The following INTS13 variants were observed in gnomAD, a reference collection of about 807,000 sequenced individuals.
The protein encoded by INTS13 is asunder, spermatogenesis regulator homolog (Drosphila).
In INTS13, 35 loss-of-function variants were observed where a neutral mutation model predicts 90.2. The ratio of observed to expected loss-of-function variants is 0.39; its 90% CI spans 0.30 to 0.51. INTS13 has a LOEUF of 0.51. INTS13 is among the 20% of genes least tolerant of loss of function. The pLI is 0.80. For synonymous variants in INTS13, 309 were observed against 277.1 expected, an observed-to-expected ratio of 1.11 and a Z score of -1.14; for missense variants, 601 against 851.2, an observed-to-expected ratio of 0.71 and a Z score of 3.66.
rs943205709 is a variant in INTS13 at position 26,933,958 on chromosome 12, C to T, written c.300+598G>A. On this transcript the variant is annotated intron_variant, in intron 3 of 16. Transcript: ENST00000261191. ...TGGCTTAACAGTGAATAATACTTTACGTAGATGTTATAATGCCAACATGAA... is the reference window on the plus strand; with the variant it reads ...TGGCTTAACAGTGAATAATACTTTATGTAGATGTTATAATGCCAACATGAA... 3.9e-5 allele frequency among the ~76,000 whole-genome samples: 6 copies of T among 152,218 alleles called. No individual in the cohort carries two copies. The East Asian group carries it at 9.6e-4, about 24-fold the overall frequency.
At position 26,906,360 on chromosome 12, in the gene INTS13, G is replaced by A. The variant is rs760064652; in HGVS notation, c.2023C>T (p.Arg675Cys). ...GCTCTGTTATTAACAGAGTTCAAAC[G>A]TCCAGCAAATTCCTGATGTTTTCTG... ...NSRKHQEFAG[R>C]LNSVNNRAEL... is the part of the protein sequence containing the mutation. Residue 675 changes from arginine to cysteine, a missense_variant, in exon 16 of 17, where the codon CGT becomes TGT. Arg to Cys is a radical substitution (Grantham distance 180). This residue lies in a region of INTS13 where 228 missense variants were observed against 272.5 expected (regional missense o/e 0.84). Coordinates refer to ENST00000261191, the MANE Select transcript of INTS13 (RefSeq NM_018164.3). 10 of 1,612,856 alleles carry A rather than the reference G, an allele frequency of 6.2e-6. No individual in the cohort carries two copies. The highest frequency in any genetic ancestry group is 1.1e-5 in the South Asian group (1 of 90,932).
intron 4 of INTS13, 52 bp downstream of exon 4, chr12:26,928,651 A>C: frequency 6.3e-7 from 1 of 1,579,610 alleles, no homozygotes; most frequent in Non-Finnish European, 8.7e-7. Context: ...AAAAACTACA[A>C]CAGGATTTTA....
chr12:26,906,256 A>G, intron 16 of INTS13, 46 bp downstream of exon 16: 2 of 1,542,996 alleles, frequency 1.3e-6, no homozygotes, highest in Non-Finnish European at 1.8e-6. Flanking sequence ...TTAAGGTACT[A>G]TACAGGCAAT....
At chr12:26,921,556 G>A (rs570651898) in intron 8 of INTS13, among the ~76,000 whole-genome samples, 1 of 152,312 alleles carries the variant, frequency 6.6e-6, no homozygotes, top group South Asian at 2.1e-4. Context: ...TAGTCAGTCT[G>A]GTTTGTACTG....
At chr12:26,910,305 T>A (rs953059810) in intron 15 of INTS13, among the ~76,000 whole-genome samples, 2 of 152,236 alleles carry the variant, frequency 1.3e-5, no homozygotes, top group African/African-American at 4.8e-5. Context: ...AGTTTACATA[T>A]TTAAAATTTC....
At chr12:26,924,617 A>T (rs1937765683) in intron 6 of INTS13, 134 bp from the exon 7 acceptor site, 1 of 938,310 alleles carries the variant, frequency 1.1e-6, no homozygotes, top group Non-Finnish European at 1.5e-6. Flanking sequence ...AGGATCCATA[A>T]ATTAACCATG....
chr12:26,931,892 G>A (rs1435190425), intron 3 of INTS13, among the ~76,000 whole-genome samples: 1 of 152,084 alleles, frequency 6.6e-6, no homozygotes, highest in Non-Finnish European at 1.5e-5. Flanking sequence ...TTCAAGACCA[G>A]CCTGGCCAAC....
At chr12:26,922,490 G>T in intron 8 of INTS13, 126 bp downstream of exon 8, 1 of 575,214 alleles carries the variant, frequency 1.7e-6, no homozygotes, top group Non-Finnish European at 2.9e-6. Context: ...TATAGGGTTC[G>T]AGACCATCTG....
intron 14 of INTS13, among the ~76,000 whole-genome samples, chr12:26,911,690 A>C (rs565072965): frequency 6.6e-6 from 1 of 152,364 alleles, no homozygotes; most frequent in Non-Finnish European, 1.5e-5. Context: ...AATAAGATTA[A>C]TAAGTTTATT....
intron 15 of INTS13, among the ~76,000 whole-genome samples, chr12:26,908,309 T>C (rs1951670704): frequency 2.0e-5 from 3 of 152,200 alleles, no homozygotes; most frequent in Admixed American, 1.3e-4. Context: ...GCGGTATGCA[T>C]TGTCTAAACT....
chr12:26,927,250 A>G (rs1006120966), intron 5 of INTS13, among the ~76,000 whole-genome samples: 1 of 152,248 alleles, frequency 6.6e-6, no homozygotes, highest in South Asian at 2.1e-4. Flanking sequence ...AAGTCAGACG[A>G]AAGTGTGGGG....
chr12:26,924,849 A>C (rs1045106746), intron 6 of INTS13, among the ~76,000 whole-genome samples: 3 of 152,204 alleles, frequency 2.0e-5, no homozygotes, highest in African/African-American at 2.4e-5. Flanking sequence ...ACTGCAGAAA[A>C]AATAATTTAT....
In INTS13 at chr12:26,905,348, T is replaced by C; in HGVS notation, c.*149A>G. The C allele has an allele frequency of 1.5e-6, 1 of 651,074 alleles. No homozygotes were observed. The highest frequency in any genetic ancestry group is 3.1e-5 in the East Asian group (1 of 32,052). The allele number at this position is 651,074 out of a possible 1,614,324, so 40.3% of individuals were successfully genotyped here. On this transcript the variant is annotated 3_prime_UTR_variant, in exon 17 of 17. Transcript: ENST00000261191. ...TTTGAATTATGTGCCAATTTTATAA[T>C]TAGTACAAAAATGACAGCTGAAATA...
At chr12:26,921,252 T>C (rs1437770458) in intron 8 of INTS13, among the ~76,000 whole-genome samples, 2 of 152,166 alleles carry the variant, frequency 1.3e-5, no homozygotes, top group Non-Finnish European at 2.9e-5. Flanking sequence ...GTTTGGGAGA[T>C]GAGATCTATG....
chr12:26,915,875 A>T, intron 11 of INTS13, 127 bp downstream of exon 11: 1 of 638,058 alleles, frequency 1.6e-6, no homozygotes, highest in Non-Finnish European at 2.5e-6. Context: ...TCACCTAATT[A>T]AAATAATAAT....
At chr12:26,918,647 T>G (rs1952012590) in intron 8 of INTS13, among the ~76,000 whole-genome samples, 1 of 152,222 alleles carries the variant, frequency 6.6e-6, no homozygotes, top group South Asian at 2.1e-4. Context: ...CTAATAAGTT[T>G]AGTTAGAAGA....
chr12:26,930,588 G>C (rs1336789527), intron 3 of INTS13, among the ~76,000 whole-genome samples: 1 of 152,196 alleles, frequency 6.6e-6, no homozygotes, highest in Non-Finnish European at 1.5e-5. Context: ...TTGCTATATA[G>C]TTGCTTTCAC....
At chr12:26,922,185 A>C (rs566925736) in intron 8 of INTS13, among the ~76,000 whole-genome samples, 1 of 152,320 alleles carries the variant, frequency 6.6e-6, no homozygotes, top group African/African-American at 2.4e-5. Context: ...CTTGTGTTTA[A>C]GGTCCATAGT....
chr12:26,912,530 CGCTATTTCTATTTATAA>C (rs1413164609), intron 14 of INTS13, among the ~76,000 whole-genome samples: 3 of 152,090 alleles, frequency 2.0e-5, no homozygotes, highest in African/African-American at 7.2e-5. Context: ...CCAGAGGATA[CGCTATTTCTATTTATAA>C]GCCTTTATTA....
Sources: gnomAD v4.1 joint callset for allele counts (sites outside exome capture counted in the v4.1 genomes callset) on GRCh38, gnomAD v4.1.1 for gene constraint, gnomAD v4.1.1 regional missense constraint, MANE v1.5 for transcripts, NCBI Gene and HGNC (gene_info 2026-07-23, HGNC 2026-07-21) for gene names.